Variants in RALYL observed in about 807,000 individuals in gnomAD.
RALYL encodes RALY RNA binding protein like.
In RALYL, 29 loss-of-function variants were observed where a neutral mutation model predicts 35.1. The ratio of observed to expected loss-of-function variants is 0.83; its 90% confidence interval spans 0.61 to 1.13. The LOEUF is 1.13. Among genes scored for constraint, RALYL ranks in the 50% most tolerant of loss-of-function variants. The pLI, the probability that RALYL is intolerant of heterozygous loss-of-function variation, is 0.00. For synonymous variants in RALYL, 120 were observed against 127.6 expected, an observed-to-expected ratio of 0.94 and a Z score of 0.40; for missense variants, 359 against 360.4, an observed-to-expected ratio of 1.00 and a Z score of 0.03.
In RALYL at chr8:84,206,556, C is replaced by T. The variant is rs1284263872; in HGVS notation, c.-24+22132C>T. Among the ~76,000 whole-genome samples, 6 of 152,024 alleles carry T rather than the reference C, an allele frequency of 3.9e-5. No individual in the cohort carries two copies. In the East Asian group the frequency reaches 7.7e-4, roughly 20 times the overall value. On this transcript the variant is annotated intron_variant, in intron 1 of 8. Coordinates refer to ENST00000521268, the MANE Select transcript of RALYL (RefSeq NM_173848.7). ...TTCAATTAGAGGACAATATGAATTC[C>T]GTTTTTCAAGTGAGAGGTATGAGGT... is the stretch of plus-strand genomic sequence containing the variant.
At chr8:84,887,347 A>T (rs752305968) in intron 7 of RALYL, among the ~76,000 whole-genome samples, 23 of 152,318 alleles carry the variant, frequency 1.5e-4, no homozygotes, top group South Asian at 1.2e-3. Flanking sequence ...TTACTAATTT[A>T]TGTACTACTA....
chr8:84,611,353 T>G (rs1818270116), intron 2 of RALYL, among the ~76,000 whole-genome samples: 1 of 152,162 alleles, frequency 6.6e-6, no homozygotes, highest in Non-Finnish European at 1.5e-5. Context: ...CTAACCATTT[T>G]CTTCCTAGCA....
At chr8:84,557,877 C>T (rs2061237193) in intron 2 of RALYL, among the ~76,000 whole-genome samples, 1 of 152,074 alleles carries the variant, frequency 6.6e-6, no homozygotes, top group Admixed American at 6.6e-5. Context: ...CCAGAAAAGC[C>T]ATACAATGCA....
intron 1 of RALYL, among the ~76,000 whole-genome samples, chr8:84,494,370 T>C (rs932680120): frequency 2.6e-5 from 4 of 152,274 alleles, no homozygotes; most frequent in Admixed American, 2.6e-4. Context: ...TTGCTTAGAA[T>C]TGTCTTTGCT....
At chr8:84,797,611 T>A (rs151166605) in intron 3 of RALYL, among the ~76,000 whole-genome samples, 1 of 152,046 alleles carries the variant, frequency 6.6e-6, no homozygotes, top group African/African-American at 2.4e-5. Context: ...GAAATGCATA[T>A]GAAAATTCCT....
intron 1 of RALYL, among the ~76,000 whole-genome samples, chr8:84,308,960 C>T (rs1426492536): frequency 6.6e-6 from 1 of 151,570 alleles, no homozygotes. Context: ...ATTATATCAC[C>T]ATATGTTGAA....
chr8:84,298,992 A>G (rs1287060594), intron 1 of RALYL, among the ~76,000 whole-genome samples: 1 of 152,066 alleles, frequency 6.6e-6, no homozygotes, highest in African/African-American at 2.4e-5. Flanking sequence ...GTATAAAACC[A>G]TAATAATCTG....
intron 1 of RALYL, among the ~76,000 whole-genome samples, chr8:84,446,702 C>T (rs981853818): frequency 6.6e-6 from 1 of 151,930 alleles, no homozygotes; most frequent in Admixed American, 6.6e-5. Flanking sequence ...GGACTTTGGT[C>T]GTGGCAGGCT....
At chr8:84,421,336 TG>T (rs1368096161) in intron 1 of RALYL, among the ~76,000 whole-genome samples, 1 of 6,100 alleles carries the variant, frequency 1.6e-4, no homozygotes, top group Non-Finnish European at 3.2e-4. Flanking sequence ...ACTCATGATT[TG>T]GCTCTCTGTT....
intron 2 of RALYL, among the ~76,000 whole-genome samples, chr8:84,700,303 T>C (rs1467328170): frequency 2.6e-5 from 4 of 152,160 alleles, no homozygotes; most frequent in Non-Finnish European, 5.9e-5. Flanking sequence ...TTAATACATG[T>C]AAGTATTAAA....
At chr8:84,557,390 G>A (rs183898890) in intron 2 of RALYL, among the ~76,000 whole-genome samples, 8 of 152,316 alleles carry the variant, frequency 5.3e-5, no homozygotes, top group East Asian at 1.9e-4. Flanking sequence ...GCAATCAGCA[G>A]TTACTGGGTG....
chr8:84,372,886 GTTTTTT>G (rs76885544), intron 1 of RALYL, among the ~76,000 whole-genome samples: 548 of 39,056 alleles, frequency 0.014, 5 homozygotes, highest in African/African-American at 0.056. Context: ...GCCAGCATCT[GTTTTTT>G]TTTTTTTTTT....
At chr8:84,472,088 C>G (rs758127614) in intron 1 of RALYL, among the ~76,000 whole-genome samples, 1 of 152,066 alleles carries the variant, frequency 6.6e-6, no homozygotes, top group Non-Finnish European at 1.5e-5. Flanking sequence ...TCTAAACATT[C>G]TAATTCTTTG....
At chr8:84,352,966 G>A (rs968447149) in intron 1 of RALYL, among the ~76,000 whole-genome samples, 1 of 150,002 alleles carries the variant, frequency 6.7e-6, no homozygotes, top group African/African-American at 2.5e-5. Context: ...CCCAAGTTAG[G>A]TAAGGTGCCA....
intron 2 of RALYL, among the ~76,000 whole-genome samples, chr8:84,654,935 T>G (rs1336441663): frequency 6.6e-6 from 1 of 151,938 alleles, no homozygotes; most frequent in African/African-American, 2.4e-5. Flanking sequence ...CCTTTCTTTT[T>G]GGGTATATAT....
intron 1 of RALYL, among the ~76,000 whole-genome samples, chr8:84,360,960 A>G (rs1852875827): frequency 2.7e-5 from 4 of 147,000 alleles, no homozygotes; most frequent in Admixed American, 2.7e-4. Flanking sequence ...AAATGCAGTA[A>G]AGAAAAAAAA....
rs1554631733 is a variant in RALYL at position 84,356,405 on chromosome 8, G to GCC, written c.-24+171981_-24+171982insCC. Among the ~76,000 whole-genome samples the GCC allele has an allele frequency of 2.6e-4, 39 of 150,410 alleles. 3 individuals carry two copies. Among genetic ancestry groups the GCC allele is most frequent in the Non-Finnish European group, 3.0e-5 (2 of 67,722 alleles). On this transcript the variant is annotated intron_variant, in intron 1 of 8. Transcript: ENST00000521268. ...AAGATCAAGAGGGTAGTTCCAAGAC[G>GCC]ATACACTGGTTCAGGCCCTTTTATT...
chr8:84,772,287 T>C (rs150767433), intron 2 of RALYL, among the ~76,000 whole-genome samples: 15 of 152,216 alleles, frequency 9.9e-5, no homozygotes, highest in Admixed American at 3.3e-4. Context: ...TAAGGCAACT[T>C]TACCAACTTC....
At chr8:84,428,425 G>A (rs1013217821) in intron 1 of RALYL, among the ~76,000 whole-genome samples, 2 of 152,176 alleles carry the variant, frequency 1.3e-5, no homozygotes, top group South Asian at 2.1e-4. Flanking sequence ...TCAGATGTAC[G>A]ATTTAGATCA....
Sources: allele counts gnomAD v4.1 joint callset (sites outside exome capture counted in the v4.1 genomes callset), GRCh38; gene constraint gnomAD v4.1.1; transcripts MANE v1.5; gene names NCBI Gene and HGNC (gene_info 2026-07-23, HGNC 2026-07-21).